Variants in ZRANB3 observed in about 807,000 individuals in gnomAD.
The protein encoded by ZRANB3 is zinc finger RANBP2-type containing 3.
Under a neutral mutation model 133.8 loss-of-function variants are expected in ZRANB3, and 125 were observed. The observed-to-expected ratio is 0.93, with a 90% confidence interval of 0.81 to 1.08. The LOEUF (loss-of-function observed/expected upper bound fraction) is 1.08, where lower values mean the gene tolerates loss of function less well. Ranked by LOEUF, ZRANB3 falls within the 50% of genes least tolerant of loss-of-function variation. ZRANB3 has a pLI of 0.00. For missense variants in ZRANB3, 1,229 were observed against 1,275.5 expected (o/e 0.96, Z 0.56); for synonymous variants, 387 against 432.7 (o/e 0.89, Z 1.31).
At chr2:135,390,750 A>G in intron 3 of ZRANB3, 52 bp downstream of exon 3, 1 of 1,554,588 alleles carries the variant, frequency 6.4e-7, no homozygotes, top group East Asian at 2.4e-5. Flanking sequence ...GCAGACACTA[A>G]AAACAAGCTG....
intron 6 of ZRANB3, among the ~76,000 whole-genome samples, chr2:135,343,146 A>T (rs1684771293): frequency 7.0e-6 from 1 of 143,752 alleles, no homozygotes. Flanking sequence ...TGACTGTGCC[A>T]CTGCACTCCA....
At chr2:135,264,098 AT>A (rs1680102797) in intron 12 of ZRANB3, among the ~76,000 whole-genome samples, 4 of 151,656 alleles carry the variant, frequency 2.6e-5, no homozygotes, top group Admixed American at 2.6e-4. Flanking sequence ...CCATAGTGGT[AT>A]TTTTTTAAAG....
chr2:135,519,934 G>A (rs1369469097), intron 1 of ZRANB3, among the ~76,000 whole-genome samples: 1 of 152,130 alleles, frequency 6.6e-6, no homozygotes, highest in Non-Finnish European at 1.5e-5. Context: ...ATCAAAGAGT[G>A]TTTTAGGAAG....
chr2:135,296,317 T>C (rs1682086034), intron 8 of ZRANB3, among the ~76,000 whole-genome samples: 1 of 152,184 alleles, frequency 6.6e-6, no homozygotes, highest in Admixed American at 6.5e-5. Context: ...TCTTGCTTCA[T>C]TTCATTCATT....
chr2:135,418,631 A>G (rs541901420), intron 2 of ZRANB3, among the ~76,000 whole-genome samples: 1 of 152,222 alleles, frequency 6.6e-6, no homozygotes, highest in Non-Finnish European at 1.5e-5. Flanking sequence ...GTGGTACTTA[A>G]AACTATGAGA....
intron 10 of ZRANB3, among the ~76,000 whole-genome samples, chr2:135,270,140 A>G (rs1263651113): frequency 2.0e-5 from 3 of 152,240 alleles, no homozygotes; most frequent in African/African-American, 7.2e-5. Context: ...TAATAAAAAT[A>G]CAGAGACAAA....
intron 19 of ZRANB3, among the ~76,000 whole-genome samples, chr2:135,206,018 G>A (rs1437564457): frequency 6.6e-6 from 1 of 152,106 alleles, no homozygotes; most frequent in Admixed American, 6.5e-5. Flanking sequence ...TTCTTACTGA[G>A]AAAATTGGGG....
chr2:135,267,800 ATGTT>A (rs1337176433), intron 11 of ZRANB3, among the ~76,000 whole-genome samples: 1 of 152,138 alleles, frequency 6.6e-6, no homozygotes, highest in African/African-American at 2.4e-5. Context: ...TATGGGCTGA[ATGTT>A]TGTATCCCCC....
At position 135,521,976 on chromosome 2, in the gene ZRANB3, TCTC is replaced by T. The variant is rs1010147204; in HGVS notation, c.-8+9148_-8+9150del. ...CATGGGCGGCCTCTGAGGAGAAAAG[TCTC>T]CTTACTGCCTTCATGTCTTTATGCT... On this transcript the variant is annotated intron_variant, in intron 1 of 20. Transcript: ENST00000264159. 1.8e-4 allele frequency among the ~76,000 whole-genome samples: 27 copies of T among 151,930 alleles called. 1 individual carries two copies. The highest frequency in any genetic ancestry group is 6.5e-4 in the African/African-American group (27 of 41,364).
intron 2 of ZRANB3, among the ~76,000 whole-genome samples, chr2:135,412,292 G>A (rs899727543): frequency 6.6e-6 from 1 of 152,118 alleles, no homozygotes; most frequent in Non-Finnish European, 1.5e-5. Context: ...ATGGTGTCAC[G>A]TTATATTCTG....
intron 1 of ZRANB3, among the ~76,000 whole-genome samples, chr2:135,510,270 C>T (rs903892512): frequency 6.6e-6 from 1 of 152,092 alleles, no homozygotes; most frequent in African/African-American, 2.4e-5. Flanking sequence ...GCAAAATAAG[C>T]AAGGAAATTC....
rs1012726964 is a variant in ZRANB3, at chr2:135,315,480, T to C, written c.728A>G (p.Asn243Ser). Reference sequence around the variant, plus strand: ...GTCACTTAATAGCTGGTGAAGTTCATTAAGATTTGATGCCCCTCTACAATC... The same window carrying C: ...GTCACTTAATAGCTGGTGAAGTTCACTAAGATTTGATGCCCCTCTACAATC... ...QWDCRGASNL[N>S]ELHQLLSDIM... is the part of the protein sequence containing the mutation. The change falls in exon 7 of 21, where the codon AAT becomes AGT. Residue 243 changes from asparagine (N) to serine (S), a missense_variant. Coordinates refer to ENST00000264159, the MANE Select transcript of ZRANB3 (RefSeq NM_032143.4). The C allele has an allele frequency of 2.5e-6, 4 of 1,593,154 alleles. No homozygotes were observed. The highest frequency in any genetic ancestry group is 3.4e-6 in the Non-Finnish European group (4 of 1,171,918).
chr2:135,401,305 A>G (rs768652376), intron 2 of ZRANB3, among the ~76,000 whole-genome samples: 3 of 151,910 alleles, frequency 2.0e-5, no homozygotes, highest in Non-Finnish European at 4.4e-5. Context: ...AGACATAGTT[A>G]GATACCTACT....
intron 5 of ZRANB3, among the ~76,000 whole-genome samples, chr2:135,347,925 A>C (rs185178915): frequency 4.0e-4 from 61 of 152,242 alleles, no homozygotes; most frequent in African/African-American, 1.4e-3. Flanking sequence ...GTAAGAGCAA[A>C]CAACCCACAG....
intron 2 of ZRANB3, among the ~76,000 whole-genome samples, chr2:135,421,459 A>G (rs1688837820): frequency 6.6e-6 from 1 of 152,192 alleles, no homozygotes; most frequent in Non-Finnish European, 1.5e-5. Flanking sequence ...CAAATATGGT[A>G]TGAAATTTCT....
chr2:135,329,152 G>A (rs765183729), intron 6 of ZRANB3, among the ~76,000 whole-genome samples: 2 of 152,214 alleles, frequency 1.3e-5, no homozygotes, highest in Non-Finnish European at 2.9e-5. Context: ...TATCCTGAAT[G>A]ATATTGCCTA....
In ZRANB3 at chr2:135,312,128, ATTTTATTATT is replaced by A. The variant is rs1350671080; in HGVS notation, c.966+1351_966+1360del. On this transcript the variant is annotated intron_variant, in intron 8 of 20. Coordinates refer to ENST00000264159, the MANE Select transcript of ZRANB3 (RefSeq NM_032143.4). ...TACATTGTATTTATTTTTTTATTTT[ATTTTATTATT>A]TTATTTTATTTTATTTTATTTTTAT... is the stretch of plus-strand genomic sequence containing the variant. 1.0e-3 allele frequency among the ~76,000 whole-genome samples: 126 copies of A among 120,134 alleles called. 1 individual carries two copies. Among genetic ancestry groups the A allele is most frequent in the African/African-American group, 3.5e-3 (105 of 29,874 alleles). 78.8% of individuals were successfully genotyped at this position (120,134 alleles called of 152,430 possible).
At chr2:135,297,657 G>A (rs781133885) in intron 8 of ZRANB3, among the ~76,000 whole-genome samples, 2 of 152,176 alleles carry the variant, frequency 1.3e-5, no homozygotes, top group Non-Finnish European at 2.9e-5. Context: ...ATCACCCGTC[G>A]TCTGCATCGC....
At chr2:135,347,434 A>C (rs1321757124) in intron 5 of ZRANB3, among the ~76,000 whole-genome samples, 2 of 151,930 alleles carry the variant, frequency 1.3e-5, no homozygotes, top group African/African-American at 4.8e-5. Context: ...CTGGGACTAC[A>C]GGCGCCCACC....
Sources: allele counts gnomAD v4.1 joint callset (sites outside exome capture counted in the v4.1 genomes callset), GRCh38; gene constraint gnomAD v4.1.1; transcripts MANE v1.5; gene names NCBI Gene and HGNC (gene_info 2026-07-23, HGNC 2026-07-21).